Variants in TBC1D2B observed in about 807,000 individuals in gnomAD.
The protein encoded by TBC1D2B is TBC1 domain family member 2B.
Under a neutral mutation model 100.8 loss-of-function variants are expected in TBC1D2B, and 64 were observed. That is an observed-to-expected ratio of 0.64 (90% CI 0.52 to 0.78). The LOEUF (loss-of-function observed/expected upper bound fraction) is 0.78, where lower values mean the gene tolerates loss of function less well. Ranked by LOEUF, TBC1D2B falls within the 30% of genes least tolerant of loss-of-function variation. The pLI is 0.00. For missense variants in TBC1D2B, 1,052 were observed against 1,218.4 expected (o/e 0.86, Z 2.03); for synonymous variants, 480 against 479.7 (o/e 1.00, Z -0.01).
chr15:78,036,377 C>T (rs2072946489), intron 3 of TBC1D2B, among the ~76,000 whole-genome samples: 1 of 152,204 alleles, frequency 6.6e-6, no homozygotes, highest in African/African-American at 2.4e-5. Context: ...TCCTCCAAAA[C>T]TCATGTTGAA....
intron 3 of TBC1D2B, among the ~76,000 whole-genome samples, chr15:78,032,009 G>A (rs191474831): frequency 1.3e-5 from 2 of 152,334 alleles, no homozygotes; most frequent in East Asian, 3.9e-4. Context: ...TCTCAAGGCA[G>A]TTGCAGCTCA....
chr15:78,008,743 A>T (rs2072140029), intron 10 of TBC1D2B, among the ~76,000 whole-genome samples: 2 of 152,144 alleles, frequency 1.3e-5, no homozygotes, highest in Admixed American at 1.3e-4. Context: ...AGCAGTGAAC[A>T]CAATGTTAGG....
chr15:78,049,181 C>T (rs2073260940), intron 2 of TBC1D2B, among the ~76,000 whole-genome samples: 1 of 152,188 alleles, frequency 6.6e-6, no homozygotes, highest in Admixed American at 6.5e-5. Flanking sequence ...CAGCCAACCA[C>T]CAGGTCCTGA....
At position 77,997,216 on chromosome 15, in the gene TBC1D2B, C is replaced by G. The variant is rs971587086; in HGVS notation, c.*944G>C. On this transcript the variant is annotated 3_prime_UTR_variant, in exon 13 of 13. Coordinates refer to ENST00000300584, the MANE Select transcript of TBC1D2B (RefSeq NM_144572.2). ...CAGCTGTCCAAGAGCGTTCACGCTG[C>G]GGCTGCACCACTGCCCTGCAAAGCA... 6 of 152,406 alleles carry G rather than the reference C, an allele frequency of 3.9e-5. No homozygotes were observed. Among genetic ancestry groups the G allele is most frequent in the African/African-American group, 1.4e-4 (6 of 41,482 alleles). The allele number at this position is 152,406 out of a possible 1,614,324, so 9.4% of individuals were successfully genotyped here.
At chr15:78,009,712 C>T (rs147305314) in intron 9 of TBC1D2B, among the ~76,000 whole-genome samples, 6 of 152,304 alleles carry the variant, frequency 3.9e-5, no homozygotes, top group Admixed American at 1.3e-4. Context: ...CAATGGCTCA[C>T]GCCTGTAATC....
chr15:78,070,776 G>A lies in TBC1D2B; in HGVS notation c.360+6517C>T, dbSNP rs567737094. Among the ~76,000 whole-genome samples the A allele has an allele frequency of 2.6e-5, 4 of 152,322 alleles. No homozygotes were observed. In the South Asian group the frequency reaches 8.3e-4, roughly 32 times the overall value. On this transcript the variant is annotated intron_variant, in intron 1 of 12. Coordinates refer to ENST00000300584, the MANE Select transcript of TBC1D2B (RefSeq NM_144572.2). Reference sequence around the variant, plus strand: ...GGGATCAAGCAGTCCTCCTGCCTCAGCCTCCCAAGTAGCTGGGACTAAAGA... The same window carrying A: ...GGGATCAAGCAGTCCTCCTGCCTCAACCTCCCAAGTAGCTGGGACTAAAGA...
intron 1 of TBC1D2B, among the ~76,000 whole-genome samples, chr15:78,059,557 A>C (rs2073500096): frequency 6.6e-6 from 1 of 152,152 alleles, no homozygotes; most frequent in South Asian, 2.1e-4. Flanking sequence ...GACATGAGGC[A>C]CCAGCTCGGA....
Position 78,025,497 on chromosome 15 carries a change from C to A in TBC1D2B, c.848G>T (p.Gly283Val). 1 of 1,582,208 alleles carries A rather than the reference C, an allele frequency of 6.3e-7. No individual in the cohort carries two copies. The highest frequency in any genetic ancestry group is 8.6e-7 in the Non-Finnish European group (1 of 1,165,762). Residue 283 changes from glycine to valine, a missense_variant and splice_region_variant, in exon 5 of 13, where the codon GGA becomes GTA. By Grantham distance (109) the Gly-to-Val change is moderately radical. This residue lies in a region of TBC1D2B where 627 missense variants were observed against 646.1 expected (regional missense o/e 0.97). Coordinates refer to ENST00000300584, the MANE Select transcript of TBC1D2B (RefSeq NM_144572.2). ...KKKLTPEGNK[G>V]VTGSGFPFDF... Reference sequence around the variant, plus strand: ...AAAGGGGAATCCTGAGCCAGTTACTCCTACATAAAAATAAAACTTGTATTT... The same window carrying A: ...AAAGGGGAATCCTGAGCCAGTTACTACTACATAAAAATAAAACTTGTATTT...
At chr15:78,020,899 A>C (rs902442860) in intron 6 of TBC1D2B, among the ~76,000 whole-genome samples, 8 of 152,250 alleles carry the variant, frequency 5.3e-5, no homozygotes, top group African/African-American at 1.9e-4. Context: ...GCAGGAAGAA[A>C]GACAAGGATG....
chr15:78,001,531 T>C, intron 12 of TBC1D2B, 88 bp downstream of exon 12: 1 of 1,456,778 alleles, frequency 6.9e-7, no homozygotes, highest in Non-Finnish European at 9.1e-7. Flanking sequence ...GGCTCTGAGT[T>C]GGAAGACAGC....
intron 1 of TBC1D2B, among the ~76,000 whole-genome samples, chr15:78,070,568 C>A (rs541412242): frequency 6.6e-6 from 1 of 152,374 alleles, no homozygotes; most frequent in South Asian, 2.1e-4. Flanking sequence ...TCCTAGAACA[C>A]AAGTCAGTGA....
At chr15:78,004,250 G>A (rs904506306) in intron 10 of TBC1D2B, among the ~76,000 whole-genome samples, 1 of 152,216 alleles carries the variant, frequency 6.6e-6, no homozygotes, top group Non-Finnish European at 1.5e-5. Context: ...ACCTCAAGGA[G>A]TTAAAAGATG....
intron 2 of TBC1D2B, among the ~76,000 whole-genome samples, chr15:78,053,160 T>C (rs774235348): frequency 6.6e-6 from 1 of 152,190 alleles, no homozygotes; most frequent in Non-Finnish European, 1.5e-5. Context: ...CCATCCTTGG[T>C]GGGACAGGCA....
At chr15:78,067,054 A>G (rs2073669961) in intron 1 of TBC1D2B, among the ~76,000 whole-genome samples, 1 of 152,206 alleles carries the variant, frequency 6.6e-6, no homozygotes, top group Non-Finnish European at 1.5e-5. Flanking sequence ...AATAAGCCCA[A>G]TTTTCTACTA....
At chr15:78,014,989 C>G (rs907072244) in intron 8 of TBC1D2B, among the ~76,000 whole-genome samples, 5 of 152,162 alleles carry the variant, frequency 3.3e-5, no homozygotes, top group African/African-American at 1.2e-4. Flanking sequence ...ATCACAAGGT[C>G]AGGAGATCGA....
rs1310706659 is a variant in TBC1D2B at position 78,003,490 on chromosome 15, C to T, written c.2389G>A (p.Val797Met). 6.2e-7 allele frequency: 1 copy of T among 1,604,736 alleles called. No individual in the cohort carries two copies. ...YYTKTLLGSQ[V>M]DQRVFRDLMS... ...AGGTCTCTGAACACCCGCTGGTCCACCTGGAGAGGGAACAAAGGGGAGAAG... is the reference window on the plus strand; with the variant it reads ...AGGTCTCTGAACACCCGCTGGTCCATCTGGAGAGGGAACAAAGGGGAGAAG... The change falls in exon 11 of 13, where the codon GTG becomes ATG. Residue 797 changes from valine (V) to methionine (M), a missense_variant and splice_region_variant. Val to Met is a conservative substitution (Grantham distance 21, BLOSUM62 1). Around this residue, in one of 4 missense-constraint regions of TBC1D2B, gnomAD observed 373 missense variants for 464.9 expected, o/e 0.80. Transcript: ENST00000300584.
intron 2 of TBC1D2B, among the ~76,000 whole-genome samples, chr15:78,049,257 T>C (rs998704082): frequency 6.6e-6 from 1 of 152,150 alleles, no homozygotes; most frequent in Admixed American, 6.5e-5. Context: ...CCTACCCCCA[T>C]CAAGGACACA....
chr15:78,030,562 G>A (rs534624066), intron 3 of TBC1D2B, among the ~76,000 whole-genome samples: 2 of 151,936 alleles, frequency 1.3e-5, no homozygotes, highest in Non-Finnish European at 2.9e-5. Flanking sequence ...TGCCCACCTC[G>A]GCCTCCCAAA....
chr15:78,056,686 CTTTT>C (rs368714497), intron 1 of TBC1D2B, among the ~76,000 whole-genome samples: 2 of 112,898 alleles, frequency 1.8e-5, no homozygotes, highest in Admixed American at 1.8e-4. Context: ...CAGTCCTCCT[CTTTT>C]TTTTTTTTTT....
Sources: gnomAD v4.1 joint callset for allele counts (sites outside exome capture counted in the v4.1 genomes callset) on GRCh38, gnomAD v4.1.1 for gene constraint, gnomAD v4.1.1 regional missense constraint, MANE v1.5 for transcripts, NCBI Gene and HGNC (gene_info 2026-07-23, HGNC 2026-07-21) for gene names.